ZNF597: variants seen among roughly 807,000 people sequenced by gnomAD.
ZNF597 encodes the protein zinc finger protein 597.
Under a neutral mutation model 7.3 loss-of-function variants are expected in ZNF597, and 5 were observed. That is an observed-to-expected ratio of 0.68 (90% confidence interval 0.36 to 1.44). ZNF597 has a LOEUF of 1.44. ZNF597 is among the 40% of genes most tolerant of loss of function. ZNF597 has a pLI of 0.04. For missense variants in ZNF597, 585 were observed against 517.9 expected (o/e 1.13, Z -1.26); for synonymous variants, 209 against 185.4 (o/e 1.13, Z -1.04).
At chr16:3,442,278 C>T (rs1306869417) in intron 2 of ZNF597, among the ~76,000 whole-genome samples, 2 of 152,014 alleles carry the variant, frequency 1.3e-5, no homozygotes, top group East Asian at 3.9e-4. Flanking sequence ...TTTTGGGAAC[C>T]ATTCCAGAAA....
Position 3,440,833 on chromosome 16 carries a change from T to C in ZNF597, c.134A>G (p.Glu45Gly), listed in dbSNP as rs781258220. ...QRSLSKDGTK[E>G]SLEDAALMGE... ...CATCAAAGCCGCATCCTCCAAAGAC[T>C]CTTTTGTACCATCTTTGCTGAGGGA... Residue 45 changes from glutamate to glycine, a missense_variant, in exon 3 of 4, where the codon GAG becomes GGG. Glu to Gly is a moderately conservative substitution (Grantham distance 98). Coordinates refer to ENST00000301744, the MANE Select transcript of ZNF597 (RefSeq NM_152457.3). 5 of 1,613,948 alleles carry C rather than the reference T, an allele frequency of 3.1e-6. No individual in the cohort carries two copies. Among genetic ancestry groups the C allele is most frequent in the Non-Finnish European group, 4.2e-6 (5 of 1,179,942 alleles).
Position 3,437,521 on chromosome 16 carries a change from C to G in ZNF597, c.178G>C (p.Glu60Gln). 1 of 1,599,620 alleles carries G rather than the reference C, an allele frequency of 6.3e-7. No homozygotes were observed. The highest frequency in any genetic ancestry group is 1.1e-5 in the South Asian group (1 of 88,326). ...TCTAGGCTTAACTGCTGATTAATCT[C>G]AGGCTTGCCTTCCTCTCCTGTTGAT... Reference protein sequence around the residue: ...AALMGEEGKPEINQQLSLESM... With the variant: ...AALMGEEGKPQINQQLSLESM... The change falls in exon 4 of 4, where the codon GAG (glutamate) becomes CAG (glutamine). Residue 60 changes from glutamate to glutamine, a missense_variant. By Grantham distance (29) the Glu-to-Gln change is conservative. Coordinates refer to ENST00000301744, the MANE Select transcript of ZNF597 (RefSeq NM_152457.3).
chr16:3,443,483 C>T lies in ZNF597; in HGVS notation c.-177G>A. ...ACTCCCACGCTCTCATGCTCCTTTA[C>T]GCAGGAGCTGCGGGAAAAGCCGCCG... On this transcript the variant is annotated 5_prime_UTR_variant, in exon 1 of 4. Coordinates refer to ENST00000301744, the MANE Select transcript of ZNF597 (RefSeq NM_152457.3). The T allele has an allele frequency of 1.9e-6, 1 of 518,080 alleles. No homozygotes were observed. The highest frequency in any genetic ancestry group is 3.0e-5 in the South Asian group (1 of 33,886). The allele number at this position is 518,080 out of a possible 1,614,324, so 32.1% of individuals were successfully genotyped here. A position where few individuals can be genotyped will look rare whatever the true frequency, so the allele number is the denominator to read the frequency against.
At chr16:3,442,236 T>G (rs1289469353) in intron 2 of ZNF597, among the ~76,000 whole-genome samples, 1 of 152,164 alleles carries the variant, frequency 6.6e-6, no homozygotes, top group Non-Finnish European at 1.5e-5. Flanking sequence ...ATTTAAAAAT[T>G]CATTCAAATT....
At position 3,436,885 on chromosome 16, in the gene ZNF597, T is replaced by TTAC. The variant is rs2034309514; in HGVS notation, c.813_814insGTA (p.Thr271_Asn272insVal). ...TTCTCATTAAAATGTTTATCACAGTTAGTAGATTCGTAGGTGTTTTCAGCA... is the reference window on the plus strand; with the variant it reads ...TTCTCATTAAAATGTTTATCACAGTTTACAGTAGATTCGTAGGTGTTTTCAGCA... On this transcript the variant is annotated inframe_insertion, in exon 4 of 4. Coordinates refer to ENST00000301744, the MANE Select transcript of ZNF597 (RefSeq NM_152457.3). The TTAC allele has an allele frequency of 1.2e-6, 2 of 1,614,060 alleles. No homozygotes were observed. The highest frequency in any genetic ancestry group is 2.2e-5 in the South Asian group (2 of 91,082).
rs914231426 is a variant in ZNF597 at position 3,434,346 on chromosome 16, T to G, written c.*2078A>C. The stretch of plus-strand genomic sequence containing the variant: ...CAGGAGAGCAAGGAGGTGGTGTTCT[T>G]GTTATTTAACAAAGGTCATGGTATC... On this transcript the variant is annotated 3_prime_UTR_variant, in exon 4 of 4. Coordinates refer to ENST00000301744, the MANE Select transcript of ZNF597 (RefSeq NM_152457.3). 1 of 152,240 alleles carries G rather than the reference T, an allele frequency of 6.6e-6. No individual in the cohort carries two copies. Among genetic ancestry groups the G allele is most frequent in the Non-Finnish European group, 1.5e-5 (1 of 68,054 alleles). 9.4% of individuals were successfully genotyped at this position (152,240 alleles called of 1,614,324 possible). A position where few individuals can be genotyped will look rare whatever the true frequency, so the allele number is the denominator to read the frequency against.
chr16:3,443,190 G>A lies in ZNF597; in HGVS notation c.-37C>T. 1.2e-6 allele frequency: 2 copies of A among 1,603,008 alleles called. No homozygotes were observed. The highest frequency in any genetic ancestry group is 1.7e-6 in the Non-Finnish European group (2 of 1,174,046). ...GGAATGCCTTCTTCAAGACGCCACAGGGACTTCGTGACAAAGCTGCGGGGG... is the reference window on the plus strand; with the variant it reads ...GGAATGCCTTCTTCAAGACGCCACAAGGACTTCGTGACAAAGCTGCGGGGG... On this transcript the variant is annotated 5_prime_UTR_variant, in exon 2 of 4. Transcript: ENST00000301744.
At position 3,436,209 on chromosome 16, in the gene ZNF597, C is replaced by A; in HGVS notation, c.*215G>T. On this transcript the variant is annotated 3_prime_UTR_variant, in exon 4 of 4. Coordinates refer to ENST00000301744, the MANE Select transcript of ZNF597 (RefSeq NM_152457.3). ...GTTGTACAGTAACTGAGTTCAAATC[C>A]TGGGTTCATTCACTAGTTTAGTGAC... 1.8e-6 allele frequency: 1 copy of A among 563,812 alleles called. No homozygotes were observed. The highest frequency in any genetic ancestry group is 2.4e-5 in the South Asian group (1 of 41,518). 34.9% of individuals were successfully genotyped at this position (563,812 alleles called of 1,614,324 possible).
intron 3 of ZNF597, 23 bp downstream of exon 3, chr16:3,440,784 T>C (rs763718130): frequency 6.2e-7 from 1 of 1,612,398 alleles, no homozygotes; most frequent in Non-Finnish European, 8.5e-7. Context: ...AAGTTCCAGA[T>C]GCAGGAAAAA....
intron 3 of ZNF597, among the ~76,000 whole-genome samples, chr16:3,438,437 C>T (rs1365336533): frequency 6.6e-6 from 1 of 151,842 alleles, no homozygotes; most frequent in Non-Finnish European, 1.5e-5. Flanking sequence ...GTGGCCTGCG[C>T]CTGTCGTCCC....
In ZNF597 at chr16:3,436,682, C is replaced by G; in HGVS notation, c.1017G>C (p.Lys339Asn). The G allele has an allele frequency of 6.2e-7, 1 of 1,613,856 alleles. No homozygotes were observed. The highest frequency in any genetic ancestry group is 1.1e-5 in the South Asian group (1 of 91,048). The change falls in exon 4 of 4, where the codon AAG becomes AAC. Residue 339 changes from lysine (K) to asparagine (N), a missense_variant. Coordinates refer to ENST00000301744, the MANE Select transcript of ZNF597 (RefSeq NM_152457.3). ...TGTCACAGTCAGGACACTGTAAGGG[C>G]TTGAATTTTGAGAATGAGAAGAAAT... ...GDNFFSFSKFKPLQCPDCDMT... is the reference protein window; with the variant it reads ...GDNFFSFSKFNPLQCPDCDMT...
rs1175940452 is a variant in ZNF597 at position 3,435,491 on chromosome 16, G to A, written c.*933C>T. On this transcript the variant is annotated 3_prime_UTR_variant, in exon 4 of 4. Coordinates refer to ENST00000301744, the MANE Select transcript of ZNF597 (RefSeq NM_152457.3). ...AGCTTAATGTCAGTTTCACCACAAT[G>A]TGATTTGTGTGCTGGGCAAAGAACT... The A allele has an allele frequency of 6.6e-6, 1 of 152,194 alleles. No homozygotes were observed. The highest frequency in any genetic ancestry group is 2.4e-5 in the African/African-American group (1 of 41,452). 9.4% of individuals were successfully genotyped at this position (152,194 alleles called of 1,614,324 possible). A position where few individuals can be genotyped will look rare whatever the true frequency, so the allele number is the denominator to read the frequency against.
chr16:3,437,618 A>T, intron 3 of ZNF597, 80 bp from the exon 4 acceptor site: 1 of 1,481,864 alleles, frequency 6.7e-7, no homozygotes, highest in East Asian at 2.3e-5. Context: ...TAAGGTAGTT[A>T]CAAACAGGAC....
Position 3,443,391 on chromosome 16 carries a change from C to T in ZNF597, c.-85G>A, listed in dbSNP as rs2034425652. ...GCGGTTAATAACAGGCCTCGCGCTCCCTGACAGGAGCTGCAGAAAGCGACG... is the reference window on the plus strand; with the variant it reads ...GCGGTTAATAACAGGCCTCGCGCTCTCTGACAGGAGCTGCAGAAAGCGACG... On this transcript the variant is annotated 5_prime_UTR_variant, in exon 1 of 4. Transcript: ENST00000301744. 3 of 547,968 alleles carry T rather than the reference C, an allele frequency of 5.5e-6. No homozygotes were observed. Among genetic ancestry groups the T allele is most frequent in the Admixed American group, 7.3e-5 (2 of 27,562 alleles). The allele number at this position is 547,968 out of a possible 1,614,324, so 33.9% of individuals were successfully genotyped here.
At chr16:3,441,815 T>C (rs1210225762) in intron 2 of ZNF597, among the ~76,000 whole-genome samples, 1 of 143,966 alleles carries the variant, frequency 6.9e-6, no homozygotes, top group Non-Finnish European at 1.5e-5. Flanking sequence ...AAAAAATAAA[T>C]TAAAATAAAA....
chr16:3,437,323 G>A lies in ZNF597; in HGVS notation c.376C>T (p.His126Tyr). ...TCAGAGAGTTCTACTAATGGGGTGT[G>A]GTTTTCAATGGTAACTAAAAGGCTG... Reference protein sequence around the residue: ...VISLLVTIENHTPLVELSEYL... With the variant: ...VISLLVTIENYTPLVELSEYL... The change falls in exon 4 of 4, where the codon CAC becomes TAC. Residue 126 changes from histidine to tyrosine, a missense_variant. His to Tyr is a moderately conservative substitution (Grantham distance 83). Transcript: ENST00000301744. 2 of 1,614,048 alleles carry A rather than the reference G, an allele frequency of 1.2e-6. No homozygotes were observed. Among genetic ancestry groups the A allele is most frequent in the Non-Finnish European group, 1.7e-6 (2 of 1,180,000 alleles).
intron 3 of ZNF597, among the ~76,000 whole-genome samples, chr16:3,439,966 G>A (rs1352243037): frequency 6.6e-6 from 1 of 152,112 alleles, no homozygotes; most frequent in African/African-American, 2.4e-5. Flanking sequence ...AGAAGTGGAA[G>A]AAACAAAATA....
In ZNF597 at chr16:3,437,009, G is replaced by T. The variant is rs766965586; in HGVS notation, c.690C>A (p.His230Gln). 3.4e-5 allele frequency: 55 copies of T among 1,614,196 alleles called. No individual in the cohort carries two copies. Among genetic ancestry groups the T allele is most frequent in the Admixed American group, 8.3e-5 (5 of 60,018 alleles). The change falls in exon 4 of 4, where the codon CAC (histidine) becomes CAA (glutamine). Residue 230 changes from histidine (H) to glutamine (Q), a missense_variant. Coordinates refer to ENST00000301744, the MANE Select transcript of ZNF597 (RefSeq NM_152457.3). ...SFRQHSHLSR[H>Q]MNSHVKEKPY... ...GCTTCTCCTTTACGTGGCTATTCAT[G>T]TGTCGGGATAGATGAGAGTGCTGGC...
chr16:3,439,210 C>A (rs1270981939), intron 3 of ZNF597, among the ~76,000 whole-genome samples: 1 of 151,538 alleles, frequency 6.6e-6, no homozygotes, highest in African/African-American at 2.4e-5. Flanking sequence ...AAAGCCCCAT[C>A]CCTACAAAAA....
Sources: gnomAD v4.1 joint callset for allele counts (sites outside exome capture counted in the v4.1 genomes callset) on GRCh38, gnomAD v4.1.1 for gene constraint, MANE v1.5 for transcripts, NCBI Gene and HGNC (gene_info 2026-07-23, HGNC 2026-07-21) for gene names.